CTNNA2: variants seen among roughly 807,000 people sequenced by gnomAD.
CTNNA2 encodes the protein catenin alpha 2, also known as catenin alpha-2.
CTNNA2 carries 42 observed loss-of-function variants against 101.0 expected under a neutral mutation model. That is an observed-to-expected ratio of 0.42 (90% CI 0.32 to 0.54). The LOEUF (loss-of-function observed/expected upper bound fraction) is 0.54, where lower values mean the gene tolerates loss of function less well. CTNNA2 is among the 20% of genes least tolerant of loss of function. The pLI, the probability that CTNNA2 is intolerant of heterozygous loss-of-function variation, is 0.14. For missense variants in CTNNA2, 871 were observed against 1,223.1 expected, an observed-to-expected ratio of 0.71 and a Z score of 4.29; for synonymous variants, 450 against 456.4, an observed-to-expected ratio of 0.99 and a Z score of 0.18.
At chr2:79,344,856 A>G (rs969067282) in intron 3 of CTNNA2, among the ~76,000 whole-genome samples, 4 of 144,932 alleles carry the variant, frequency 2.8e-5, no homozygotes, top group East Asian at 2.0e-4. Flanking sequence ...TATTATATAT[A>G]TAATATATTA....
At chr2:80,525,529 C>G (rs1488323556) in intron 9 of CTNNA2, among the ~76,000 whole-genome samples, 3 of 152,144 alleles carry the variant, frequency 2.0e-5, no homozygotes, top group Admixed American at 1.3e-4. Context: ...GGCAAAAAAA[C>G]AAACAACAAC....
chr2:79,807,288 A>G (rs1676652973), intron 3 of CTNNA2, among the ~76,000 whole-genome samples: 1 of 152,180 alleles, frequency 6.6e-6, no homozygotes, highest in Non-Finnish European at 1.5e-5. Flanking sequence ...TCCCAAAAAG[A>G]CAACTCAATA....
intron 2 of CTNNA2, among the ~76,000 whole-genome samples, chr2:79,200,612 A>G (rs1674021718): frequency 6.6e-6 from 1 of 152,174 alleles, no homozygotes; most frequent in Non-Finnish European, 1.5e-5. Flanking sequence ...GAGAAAGGAG[A>G]AACAGCAGAA....
chr2:79,551,084 A>G (rs1674071026), intron 1 of CTNNA2, among the ~76,000 whole-genome samples: 1 of 152,220 alleles, frequency 6.6e-6, no homozygotes. Context: ...GTCTGTTTTA[A>G]TATTTTCTAC....
At chr2:80,619,416 A>G (rs62151989) in intron 18 of CTNNA2, among the ~76,000 whole-genome samples, 188 bp downstream of exon 18, 4,333 of 151,974 alleles carry the variant, frequency 0.029, 75 homozygotes, top group Middle Eastern at 0.037. Flanking sequence ...TATATCTTCA[A>G]TTGTGGTCTA....
intron 4 of CTNNA2, among the ~76,000 whole-genome samples, chr2:79,406,129 G>A (rs1678338816): frequency 6.6e-6 from 1 of 152,130 alleles, no homozygotes; most frequent in African/African-American, 2.4e-5. Flanking sequence ...AACTGACAAA[G>A]GCATTACAAG....
chr2:80,347,854 TCCAGAAGG>T (rs1672904605), intron 7 of CTNNA2, among the ~76,000 whole-genome samples: 5 of 151,496 alleles, frequency 3.3e-5, no homozygotes, highest in African/African-American at 2.4e-5. Context: ...TTTTTTTTTT[TCCAGAAGG>T]GTTGTTTAAA....
intron 1 of CTNNA2, among the ~76,000 whole-genome samples, chr2:79,514,869 A>G (rs1290182022): frequency 6.6e-6 from 1 of 152,244 alleles, no homozygotes; most frequent in Non-Finnish European, 1.5e-5. Flanking sequence ...GTAAGACACT[A>G]TGCTGTGGAA....
intron 7 of CTNNA2, among the ~76,000 whole-genome samples, chr2:80,171,043 A>G (rs1457951900): frequency 6.6e-6 from 1 of 152,214 alleles, no homozygotes; most frequent in Non-Finnish European, 1.5e-5. Context: ...GGCTGTGTAA[A>G]TACTAGCTCT....
At chr2:79,286,598 T>G (rs1023934407) in intron 2 of CTNNA2, among the ~76,000 whole-genome samples, 2 of 152,228 alleles carry the variant, frequency 1.3e-5, no homozygotes, top group African/African-American at 4.8e-5. Flanking sequence ...CTCTTCTGGC[T>G]TGTAGAGTTT....
intron 3 of CTNNA2, among the ~76,000 whole-genome samples, chr2:79,355,796 G>C (rs1398954619): frequency 6.6e-6 from 1 of 152,102 alleles, no homozygotes; most frequent in Admixed American, 6.6e-5. Flanking sequence ...TTAGGGTTGA[G>C]TAACATTTCA....
intron 7 of CTNNA2, among the ~76,000 whole-genome samples, chr2:80,107,820 C>T (rs1700985767): frequency 6.6e-6 from 1 of 152,202 alleles, no homozygotes; most frequent in African/African-American, 2.4e-5. Flanking sequence ...ACCTGGGCAC[C>T]ACCATGGGGC....
chr2:79,660,096 C>T (rs552958537), intron 2 of CTNNA2, among the ~76,000 whole-genome samples: 1 of 152,002 alleles, frequency 6.6e-6, no homozygotes, highest in African/African-American at 2.4e-5. Flanking sequence ...CAAATAAATA[C>T]ATATGTATAT....
intron 13 of CTNNA2, among the ~76,000 whole-genome samples, chr2:80,575,469 G>A (rs1040980734): frequency 6.6e-6 from 1 of 152,026 alleles, no homozygotes; most frequent in Non-Finnish European, 1.5e-5. Context: ...GAGATGCCTA[G>A]AAATATGGGA....
chr2:80,436,656 G>A (rs1456802784), intron 9 of CTNNA2, among the ~76,000 whole-genome samples: 1 of 152,082 alleles, frequency 6.6e-6, no homozygotes, highest in East Asian at 1.9e-4. Flanking sequence ...AGGCTGGGAG[G>A]TCCAAGATCG....
intron 7 of CTNNA2, among the ~76,000 whole-genome samples, chr2:80,350,688 G>A (rs920822801): frequency 6.6e-6 from 1 of 152,122 alleles, no homozygotes; most frequent in Non-Finnish European, 1.5e-5. Flanking sequence ...ATGTGGTAAA[G>A]CACTTGGAGC....
chr2:79,726,089 T>G (rs1359134274), intron 2 of CTNNA2, among the ~76,000 whole-genome samples: 1 of 152,142 alleles, frequency 6.6e-6, no homozygotes, highest in Non-Finnish European at 1.5e-5. Flanking sequence ...CTAAATCTGT[T>G]TTCATTTCTA....
At position 80,574,154 on chromosome 2, in the gene CTNNA2, TTAA is replaced by T; in HGVS notation, c.1742-8_1742-6del. 1.9e-6 allele frequency: 3 copies of T among 1,607,540 alleles called. No homozygotes were observed. Among genetic ancestry groups the T allele is most frequent in the Non-Finnish European group, 2.6e-6 (3 of 1,175,772 alleles). On this transcript the variant is annotated splice_polypyrimidine_tract_variant and splice_region_variant and intron_variant, in intron 12 of 18. Coordinates refer to ENST00000402739, the MANE Select transcript of CTNNA2 (RefSeq NM_001282597.3). ...TTGCCTAATCCTCTGCTTTTTATTTTTAACCCAGTGATGCCACGCTTCGCTGAA... is the reference window on the plus strand; with the variant it reads ...TTGCCTAATCCTCTGCTTTTTATTTTCCCAGTGATGCCACGCTTCGCTGAA...
At chr2:80,150,368 T>C (rs73940975) in intron 7 of CTNNA2, among the ~76,000 whole-genome samples, 3,533 of 152,136 alleles carry the variant, frequency 0.023, 122 homozygotes, top group African/African-American at 0.077. Flanking sequence ...GCCCCATCTC[T>C]CTTCTTCAGC....
Sources: allele counts gnomAD v4.1 joint callset (sites outside exome capture counted in the v4.1 genomes callset), GRCh38; gene constraint gnomAD v4.1.1; transcripts MANE v1.5; gene names NCBI Gene and HGNC (gene_info 2026-07-23, HGNC 2026-07-21).